The following CPEB2 variants were observed in gnomAD, a reference collection of about 807,000 sequenced individuals.
The protein encoded by CPEB2 is cytoplasmic polyadenylation element-binding protein 2.
CPEB2 carries 56 observed loss-of-function variants against 93.6 expected under a neutral mutation model. That is an observed-to-expected ratio of 0.60 (90% CI 0.48 to 0.75). CPEB2 has a LOEUF of 0.75. Ranked by LOEUF, CPEB2 falls within the 30% of genes least tolerant of loss-of-function variation. CPEB2 has a pLI of 0.00. For synonymous variants in CPEB2, 764 were observed against 586.3 expected, an observed-to-expected ratio of 1.30 and a Z score of -4.38; for missense variants, 1,579 against 1,395.1, an observed-to-expected ratio of 1.13 and a Z score of -2.10.
chr4:15,033,265 T>A, intron 5 of CPEB2, 54 bp downstream of exon 5: 1 of 1,121,476 alleles, frequency 8.9e-7, no homozygotes, highest in Non-Finnish European at 1.4e-6. Flanking sequence ...AAAGATGATT[T>A]AATACATGTT....
At chr4:15,063,726 C>A (rs1053759069) in intron 11 of CPEB2, 6 of 152,054 alleles carry the variant, frequency 3.9e-5, no homozygotes, top group African/African-American at 1.4e-4. Flanking sequence ...CTCTTTGTTT[C>A]TGAAATTATA....
chr4:15,004,122 C>CGGGGGGGGGG lies in CPEB2; in HGVS notation c.1451_1452insGGGGGGGGGG (p.Phe488ArgfsTer67). On this transcript the variant is annotated frameshift_variant, in exon 1 of 12. Transcript: ENST00000538197. LOFTEE classifies it high-confidence loss of function. ...GGCTCAGCGTTCCGACGAGCGGCGG[C>CGGGGGGGGGG]GGCGGCGGCGGCTTCGGCGGCCCCT... 1 of 1,535,202 alleles carries CGGGGGGGGGG rather than the reference C, an allele frequency of 6.5e-7. No individual in the cohort carries two copies.
At chr4:15,040,390 T>G (rs1340008338) in intron 5 of CPEB2, 74 bp from the exon 6 acceptor site, 1 of 1,399,620 alleles carries the variant, frequency 7.1e-7, no homozygotes, top group East Asian at 2.5e-5. Context: ...TAGCTTTTCG[T>G]ATCAGAAATA....
At position 15,007,500 on chromosome 4, in the gene CPEB2, T is replaced by G. The variant is rs1194739959; in HGVS notation, c.1858T>G (p.Ser620Ala). Residue 620 changes from serine to alanine, a missense_variant, in exon 2 of 12, where the codon TCA becomes GCA. This residue lies in a region of CPEB2 where 1,411 missense variants were observed against 1,056.0 expected (regional missense o/e 1.34). Coordinates refer to ENST00000538197, the MANE Select transcript of CPEB2 (RefSeq NM_001177382.2). The part of the protein sequence containing the change: ...NVIAPPKFTR[S>A]TPSLTPKSWI... Reference sequence around the variant, plus strand: ...CATAGCACCACCGAAATTTACTCGCTCAACTCCATCACTGACTCCAAAATC... The same window carrying G: ...CATAGCACCACCGAAATTTACTCGCGCAACTCCATCACTGACTCCAAAATC... 2 of 1,614,132 alleles carry G rather than the reference T, an allele frequency of 1.2e-6. No individual in the cohort carries two copies. The highest frequency in any genetic ancestry group is 3.3e-5 in the Admixed American group (2 of 60,032).
Position 15,003,058 on chromosome 4 carries a change from G to T in CPEB2, c.385G>T (p.Ala129Ser). The change falls in exon 1 of 12, where the codon GCG becomes TCG. Residue 129 changes from alanine (A) to serine (S), a missense_variant. Physicochemically the swap from Ala to Ser is moderately conservative, Grantham distance 99. Transcript: ENST00000538197. ...CCACCACCCCGGCGGCGGCACGATC[G>T]CGGGTGTGACCCACCTCCTCCCCTC... ...PDHHPGGGTIAGVTHLLPSQD... is the reference protein window; with the variant it reads ...PDHHPGGGTISGVTHLLPSQD... 1 of 1,519,880 alleles carries T rather than the reference G, an allele frequency of 6.6e-7. No homozygotes were observed. Among genetic ancestry groups the T allele is most frequent in the Non-Finnish European group, 8.8e-7 (1 of 1,142,022 alleles). 94.1% of individuals were successfully genotyped at this position (1,519,880 alleles called of 1,614,324 possible). A position where few individuals can be genotyped will look rare whatever the true frequency, so the allele number is the denominator to read the frequency against.
chr4:15,033,885 T>A (rs1726356236), intron 5 of CPEB2, among the ~76,000 whole-genome samples: 1 of 151,616 alleles, frequency 6.6e-6, no homozygotes, highest in South Asian at 2.1e-4. Context: ...GAGAGGGAAA[T>A]AGGAAGGGGA....
At chr4:15,042,647 G>C (rs935379495) in intron 6 of CPEB2, among the ~76,000 whole-genome samples, 1 of 152,120 alleles carries the variant, frequency 6.6e-6, no homozygotes, top group Non-Finnish European at 1.5e-5. Context: ...TGAGAGTCAC[G>C]TGAAAGGCAC....
chr4:15,059,199 C>A lies in CPEB2; in HGVS notation c.2593C>A (p.Pro865Thr). The change falls in exon 10 of 12, where the codon CCT becomes ACT. Residue 865 changes from proline to threonine, a missense_variant. Around this residue, in one of 2 missense-constraint regions of CPEB2, gnomAD observed 168 missense variants for 339.1 expected, o/e 0.50. Transcript: ENST00000538197. Reference sequence around the variant, plus strand: ...ATTTTCTTCATAGGTTCAAATACGTCCTTGGAATTTAAGTGATAGTGATTT... The same window carrying A: ...ATTTTCTTCATAGGTTCAAATACGTACTTGGAATTTAAGTGATAGTGATTT... ...TIKDKPVQIR[P>T]WNLSDSDFVM... is the part of the protein sequence containing the mutation. The A allele has an allele frequency of 6.2e-7, 1 of 1,605,318 alleles. No individual in the cohort carries two copies. Among genetic ancestry groups the A allele is most frequent in the South Asian group, 1.1e-5 (1 of 90,216 alleles).
rs1388441582 is a variant in CPEB2, at chr4:15,003,738, CGGCGGGGGCGGGGGGCCCCCAGGA to C, written c.1071_1094del (p.Pro361_Gly368del). On this transcript the variant is annotated inframe_deletion, in exon 1 of 12. Coordinates refer to ENST00000538197, the MANE Select transcript of CPEB2 (RefSeq NM_001177382.2). ...TTCCACACCCGGGCGGCGGCGGCGG[CGGCGGGGGCGGGGGGCCCCCAGGA>C]GGCGGAGGGGGAGGCGGCTCCGCGT... 3 of 1,184,742 alleles carry C rather than the reference CGGCGGGGGCGGGGGGCCCCCAGGA, an allele frequency of 2.5e-6. No individual in the cohort carries two copies. The highest frequency in any genetic ancestry group is 3.1e-6 in the Non-Finnish European group (3 of 958,704). The allele number at this position is 1,184,742 out of a possible 1,614,324, so 73.4% of individuals were successfully genotyped here.
intron 6 of CPEB2, among the ~76,000 whole-genome samples, chr4:15,049,712 A>G (rs1032491388): frequency 6.6e-5 from 10 of 152,238 alleles, no homozygotes; most frequent in African/African-American, 1.9e-4. Flanking sequence ...AAGTTAAGCA[A>G]TATTCACAAA....
Position 15,066,024 on chromosome 4 carries a change from T to G in CPEB2, c.2878-129T>G, listed in dbSNP as rs1371829465. 5 of 749,898 alleles carry G rather than the reference T, an allele frequency of 6.7e-6. No individual in the cohort carries two copies. In the African/African-American group the frequency reaches 7.0e-5, roughly 11 times the overall value. 46.5% of individuals were successfully genotyped at this position (749,898 alleles called of 1,614,324 possible). On this transcript the variant is annotated intron_variant, in intron 11 of 11. Transcript: ENST00000538197. ...CCTACTACATTGTAAAGCTCCTTCC[T>G]TGAGAAACTGCCCATTTCCTCAGCT...
rs1722326683 is a variant in CPEB2, at chr4:15,003,650, G to A, written c.977G>A (p.Ser326Asn). ...AACCACCCTCTGCTCAACAGTCCCA[G>A]TAACCTCCTGCCCGGAGGTGCGCTT... ...SPNHPLLNSP[S>N]NLLPGGALGA... The change falls in exon 1 of 12, where the codon AGT becomes AAT. Residue 326 changes from serine (S) to asparagine (N), a missense_variant. Physicochemically the swap from Ser to Asn is conservative, Grantham distance 46. Around this residue, in one of 2 missense-constraint regions of CPEB2, gnomAD observed 1,411 missense variants for 1,056.0 expected, o/e 1.34. Coordinates refer to ENST00000538197, the MANE Select transcript of CPEB2 (RefSeq NM_001177382.2). The A allele has an allele frequency of 6.8e-7, 1 of 1,478,506 alleles. No homozygotes were observed. The highest frequency in any genetic ancestry group is 3.0e-5 in the East Asian group (1 of 33,826). 91.6% of individuals were successfully genotyped at this position (1,478,506 alleles called of 1,614,324 possible). A position where few individuals can be genotyped will look rare whatever the true frequency, so the allele number is the denominator to read the frequency against.
At chr4:15,050,491 T>C (rs951954327) in intron 6 of CPEB2, among the ~76,000 whole-genome samples, 4 of 152,186 alleles carry the variant, frequency 2.6e-5, no homozygotes, top group African/African-American at 9.7e-5. Flanking sequence ...TCTTACTGTT[T>C]TTCCTTCTCT....
chr4:15,011,101 CTTTTTTTTTTTTTT>C (rs201436379), intron 3 of CPEB2, among the ~76,000 whole-genome samples: 13 of 125,768 alleles, frequency 1.0e-4, no homozygotes, highest in Non-Finnish European at 2.0e-4. Flanking sequence ...AATTTCTTTT[CTTTTTTTTTTTTTT>C]TTTTTGAGAC....
rs748231286 is a variant in CPEB2 at position 15,008,357 on chromosome 4, T to C, written c.1964T>C (p.Leu655Ser). 1 of 1,613,908 alleles carries C rather than the reference T, an allele frequency of 6.2e-7. No homozygotes were observed. The change falls in exon 3 of 12, where the codon TTG (leucine) becomes TCG (serine). Residue 655 changes from leucine to serine, a missense_variant. Around this residue, in one of 2 missense-constraint regions of CPEB2, gnomAD observed 1,411 missense variants for 1,056.0 expected, o/e 1.34. Coordinates refer to ENST00000538197, the MANE Select transcript of CPEB2 (RefSeq NM_001177382.2). The part of the protein sequence containing the change: ...LPLQVRSSLQ[L>S]PAWGSDSLQD... ...TTGAAGGTGAGATCTAGTTTGCAGT[T>C]GCCAGCTTGGGGCTCAGATTCACTC...
At chr4:15,053,409 T>C (rs1728421806) in intron 7 of CPEB2, among the ~76,000 whole-genome samples, 2 of 152,130 alleles carry the variant, frequency 1.3e-5, no homozygotes, top group Admixed American at 6.5e-5. Flanking sequence ...AGAACATGAA[T>C]AGGAAATTAG....
intron 11 of CPEB2, 77 bp from the exon 12 acceptor site, chr4:15,066,076 G>A: frequency 1.6e-6 from 2 of 1,269,484 alleles, no homozygotes; most frequent in Non-Finnish European, 2.2e-6. Context: ...TTTTTCTGCT[G>A]TAGAACATTT....
chr4:15,045,003 T>G (rs929579343), intron 6 of CPEB2, among the ~76,000 whole-genome samples: 3 of 152,236 alleles, frequency 2.0e-5, no homozygotes, highest in African/African-American at 7.2e-5. Flanking sequence ...CTTGCATTTG[T>G]AGGTAGGGTT....
intron 10 of CPEB2, 110 bp downstream of exon 10, chr4:15,059,411 G>A: frequency 1.7e-6 from 1 of 596,818 alleles, no homozygotes; most frequent in Non-Finnish European, 2.8e-6. Flanking sequence ...GACAGAGCAG[G>A]AGCAGATTCT....
Sources: allele counts gnomAD v4.1 joint callset (sites outside exome capture counted in the v4.1 genomes callset), GRCh38; gene constraint gnomAD v4.1.1; regional missense constraint gnomAD v4.1.1; transcripts MANE v1.5; gene names NCBI Gene and HGNC (gene_info 2026-07-23, HGNC 2026-07-21).